The following DMD variants were observed in gnomAD, a reference collection of about 807,000 sequenced individuals.
DMD encodes the protein mutant dystrophin.
DMD carries 63 observed loss-of-function variants against 330.1 expected under a neutral mutation model. The observed-to-expected ratio is 0.19, with a 90% CI of 0.16 to 0.24. The LOEUF (loss-of-function observed/expected upper bound fraction) is 0.24. DMD is among the 10% of genes least tolerant of loss of function. DMD has a pLI of 1.00. For synonymous variants in DMD, 1,223 were observed against 959.8 expected (o/e 1.27, Z -5.07); for missense variants, 3,344 against 2,684.1 (o/e 1.25, Z -5.43).
intron 42 of DMD, among the ~76,000 whole-genome samples, chrX:32,309,207 T>C (rs146480194): frequency 1.8e-5 from 2 of 111,688 alleles, no homozygotes; most frequent in African/African-American, 3.2e-5. Flanking sequence ...TGTATATTCA[T>C]ACAGGCAAAT....
At chrX:32,673,594 G>A (rs1249610333) in intron 9 of DMD, among the ~76,000 whole-genome samples, 1 of 111,972 alleles carries the variant, frequency 8.9e-6, no homozygotes, top group South Asian at 3.6e-4. Context: ...ACAGAGACAG[G>A]AGAGGCAGAA....
At chrX:31,983,820 T>C (rs2095492437) in intron 44 of DMD, among the ~76,000 whole-genome samples, 2 of 112,035 alleles carry the variant, frequency 1.8e-5, no homozygotes, top group Admixed American at 9.5e-5. Context: ...GAGATCCACG[T>C]GAAGTATGAG....
At chrX:31,238,309 T>C (rs1296533606) in intron 63 of DMD, among the ~76,000 whole-genome samples, 2 of 111,706 alleles carry the variant, frequency 1.8e-5, no homozygotes, top group African/African-American at 6.5e-5. Flanking sequence ...CTCAGCTTTC[T>C]TTTCAACACA....
chrX:32,688,136 T>C (rs190953990), intron 9 of DMD, among the ~76,000 whole-genome samples: 22 of 111,270 alleles, frequency 2.0e-4, no homozygotes, highest in Admixed American at 1.1e-3. Context: ...GAACACAGAT[T>C]AGCTAAATTC....
At chrX:33,206,620 C>A (rs1237213437) in intron 1 of DMD, among the ~76,000 whole-genome samples, 1 of 111,942 alleles carries the variant, frequency 8.9e-6, no homozygotes, top group Non-Finnish European at 1.9e-5. Context: ...GCAAAGTCAC[C>A]TTCAGAGGTT....
chrX:33,028,501 C>T (rs1323026802), intron 1 of DMD, among the ~76,000 whole-genome samples: 1 of 111,938 alleles, frequency 8.9e-6, no homozygotes. Context: ...TGGCAGTCAC[C>T]CATATCCCAA....
At chrX:31,909,536 A>C (rs1271894228) in intron 47 of DMD, among the ~76,000 whole-genome samples, 88 of 107,195 alleles carry the variant, frequency 8.2e-4, no homozygotes, top group Non-Finnish European at 1.2e-3. Flanking sequence ...AAAAAAAAAA[A>C]CAAGAAACAA....
intron 63 of DMD, among the ~76,000 whole-genome samples, chrX:31,228,269 A>T (rs1401424737): frequency 3.0e-5 from 2 of 65,577 alleles, no homozygotes; most frequent in Non-Finnish European, 5.0e-5. Context: ...AAAAAAAATA[A>T]AAAAATAAAA....
intron 55 of DMD, among the ~76,000 whole-genome samples, chrX:31,517,960 CA>C (rs1177169157): frequency 2.3e-4 from 24 of 103,318 alleles, no homozygotes; most frequent in African/African-American, 5.0e-4. Context: ...CACACACACA[CA>C]CACCTTGGGG....
rs536982335 is a variant in DMD at position 31,943,878 on chromosome X, T to TGAGAGAGAGA, written c.6615-11661_6615-11652dup. Among the ~76,000 whole-genome samples the TGAGAGAGAGA allele has an allele frequency of 6.7e-3, 497 of 74,456 alleles. 35 individuals are homozygous for TGAGAGAGAGA. Among genetic ancestry groups the TGAGAGAGAGA allele is most frequent in the East Asian group, 0.015 (34 of 2,208 alleles). The allele number at this position is 74,456 out of a possible 115,157, so 64.7% of individuals were successfully genotyped here. ...CGGAAACCCGAAGTTCCCCAGAGAG[T>TGAGAGAGAGA]GAGAGAGAGAGAGAGAGAGAGAGAG... On this transcript the variant is annotated intron_variant, in intron 45 of 78. Coordinates refer to ENST00000357033, the MANE Select transcript of DMD (RefSeq NM_004006.3).
intron 63 of DMD, among the ~76,000 whole-genome samples, chrX:31,224,172 G>A (rs2046363879): frequency 8.9e-6 from 1 of 112,037 alleles, no homozygotes; most frequent in African/African-American, 3.2e-5. Context: ...AACTTAATAT[G>A]CAACTGCCCT....
intron 44 of DMD, among the ~76,000 whole-genome samples, chrX:32,087,018 T>A (rs907112515): frequency 8.0e-5 from 9 of 111,913 alleles, no homozygotes; most frequent in African/African-American, 2.9e-4. Flanking sequence ...GTTTTTGATG[T>A]TAAGAATTGA....
chrX:31,829,006 A>G, intron 49 of DMD, among the ~76,000 whole-genome samples: 1 of 112,217 alleles, frequency 8.9e-6, no homozygotes, highest in Non-Finnish European at 1.9e-5. Context: ...CAATGAATGG[A>G]TAAAGAAAAT....
chrX:31,924,768 G>T (rs2094744772), intron 47 of DMD, among the ~76,000 whole-genome samples: 1 of 111,651 alleles, frequency 9.0e-6, no homozygotes, highest in African/African-American at 3.3e-5. Context: ...TTTCCAAAAT[G>T]CTTTTTTCTT....
intron 28 of DMD, among the ~76,000 whole-genome samples, chrX:32,440,114 T>C (rs2098276087): frequency 1.8e-5 from 2 of 111,653 alleles, no homozygotes; most frequent in Non-Finnish European, 3.8e-5. Context: ...GCTAACAGCA[T>C]CATCCTATCT....
At chrX:32,671,197 G>A (rs2061612351) in intron 9 of DMD, among the ~76,000 whole-genome samples, 1 of 109,055 alleles carries the variant, frequency 9.2e-6, no homozygotes. Context: ...TCAGAAATTT[G>A]GCCTAGGTAC....
chrX:32,410,157 A>G (rs990464740), intron 30 of DMD, among the ~76,000 whole-genome samples: 6 of 111,013 alleles, frequency 5.4e-5, no homozygotes, highest in Non-Finnish European at 9.4e-5. Context: ...ATCATTATAT[A>G]TCAAGACAAA....
intron 2 of DMD, among the ~76,000 whole-genome samples, chrX:32,914,097 T>C (rs1337295003): frequency 9.0e-6 from 1 of 111,646 alleles, no homozygotes; most frequent in Non-Finnish European, 1.9e-5. Flanking sequence ...TGTGACAAAT[T>C]ACAATCCAAA....
At chrX:33,260,821 T>C (rs2052941830) in intron 1 of DMD, among the ~76,000 whole-genome samples, 1 of 111,534 alleles carries the variant, frequency 9.0e-6, no homozygotes, top group East Asian at 2.8e-4. Context: ...TAAGGTACTG[T>C]AGTACAGAAG....
Sources: gnomAD v4.1 joint callset for allele counts (sites outside exome capture counted in the v4.1 genomes callset) on GRCh38, gnomAD v4.1.1 for gene constraint, MANE v1.5 for transcripts, NCBI Gene and HGNC (gene_info 2026-07-23, HGNC 2026-07-21) for gene names.